SPNS2: variants seen among roughly 807,000 people sequenced by gnomAD.
SPNS2 encodes the protein SPNS lysolipid transporter 2, sphingosine-1-phosphate.
SPNS2 carries 37 observed loss-of-function variants against 57.6 expected under a neutral mutation model. That is an observed-to-expected ratio of 0.64 (90% CI 0.49 to 0.85). SPNS2 has a LOEUF of 0.85. Ranked by LOEUF, SPNS2 falls within the 40% of genes least tolerant of loss-of-function variation. SPNS2 has a pLI of 0.00. For synonymous variants in SPNS2, 440 were observed against 346.9 expected (o/e 1.27, Z -2.98); for missense variants, 831 against 779.1 (o/e 1.07, Z -0.79).
intron 2 of SPNS2, among the ~76,000 whole-genome samples, chr17:4,514,602 G>A (rs1006644829): frequency 7.9e-5 from 12 of 152,156 alleles, no homozygotes; most frequent in Non-Finnish European, 1.8e-4. Flanking sequence ...AGGGCCGTGC[G>A]GTCCAGTATC....
At chr17:4,536,461 C>T (rs774438756) in intron 11 of SPNS2, 35 bp downstream of exon 11, 2 of 1,576,610 alleles carry the variant, frequency 1.3e-6, no homozygotes, top group East Asian at 2.2e-5. Context: ...TGCTGCACCG[C>T]CGGGAAGCAG....
chr17:4,533,466 G>GCTGGGC, intron 8 of SPNS2, 34 bp downstream of exon 8: 1 of 1,559,510 alleles, frequency 6.4e-7, no homozygotes, highest in Non-Finnish European at 8.7e-7. Context: ...TGCTGGGGGA[G>GCTGGGC]CTGGGCCTGG....
chr17:4,501,081 G>T (rs1904491563), intron 1 of SPNS2, among the ~76,000 whole-genome samples: 1 of 152,214 alleles, frequency 6.6e-6, no homozygotes, highest in African/African-American at 2.4e-5. Context: ...TCTGTACACA[G>T]ATAGGGGGAC....
chr17:4,537,388 A>AGGG (rs1905908294), intron 12 of SPNS2, 65 bp from the exon 13 acceptor site: 1 of 397,902 alleles, frequency 2.5e-6, no homozygotes. Flanking sequence ...AAAGGGAAGG[A>AGGG]GGGAGGGCAG....
Position 4,498,949 on chromosome 17 carries a change from G to C in SPNS2, c.-99G>C, listed in dbSNP as rs1904356455. The C allele has an allele frequency of 5.3e-6, 4 of 753,912 alleles. No homozygotes were observed. In the South Asian group the frequency reaches 2.4e-4, roughly 45 times the overall value. The allele number at this position is 753,912 out of a possible 1,614,324, so 46.7% of individuals were successfully genotyped here. Reference sequence around the variant, plus strand: ...GCAGGAGCCGACGGGGCCCGACCAGGATGGTGCAGTGGCGGCTCCGCGGCG... The same window carrying C: ...GCAGGAGCCGACGGGGCCCGACCAGCATGGTGCAGTGGCGGCTCCGCGGCG... On this transcript the variant is annotated 5_prime_UTR_variant, in exon 1 of 13. Coordinates refer to ENST00000329078, the MANE Select transcript of SPNS2 (RefSeq NM_001124758.3).
chr17:4,516,641 G>A (rs912190389), intron 2 of SPNS2, among the ~76,000 whole-genome samples: 1 of 152,246 alleles, frequency 6.6e-6, no homozygotes, highest in African/African-American at 2.4e-5. Context: ...GTTTGAATGG[G>A]GCTTTGAAGG....
intron 4 of SPNS2, 40 bp from the exon 5 acceptor site, chr17:4,531,013 C>G (rs764054559): frequency 1.2e-6 from 2 of 1,610,232 alleles, no homozygotes; most frequent in Non-Finnish European, 1.7e-6. Flanking sequence ...GTCCCCAGCC[C>G]CTGTCTCTGC....
chr17:4,506,707 G>A (rs1904688409), intron 1 of SPNS2, among the ~76,000 whole-genome samples: 1 of 152,112 alleles, frequency 6.6e-6, no homozygotes, highest in African/African-American at 2.4e-5. Context: ...GGTGGGGAGG[G>A]GTGTTTCTCT....
chr17:4,523,738 G>T (rs1211013467), intron 2 of SPNS2, among the ~76,000 whole-genome samples: 1 of 152,274 alleles, frequency 6.6e-6, no homozygotes, highest in Non-Finnish European at 1.5e-5. Context: ...TGAGACTGTT[G>T]TCTCAAAAAA....
rs548246062 is a variant in SPNS2, at chr17:4,499,232, G to T, written c.185G>T (p.Gly62Val). 3.2e-4 allele frequency: 469 copies of T among 1,456,588 alleles called. 2 individuals are homozygous for T. The African/African-American group carries it at 6.2e-3, about 19-fold the overall frequency. The allele number at this position is 1,456,588 out of a possible 1,614,324, so 90.2% of individuals were successfully genotyped here. ...GGCGATGAGGTGCAGACGCTGTCGG[G>T]CAGCGTAAGGCGGGCCCCGACCGGA... is the stretch of plus-strand genomic sequence containing the variant. ...AAGDEVQTLSGSVRRAPTGPP... is the reference protein window; with the variant it reads ...AAGDEVQTLSVSVRRAPTGPP... Residue 62 changes from glycine to valine, a missense_variant, in exon 1 of 13, where the codon GGC becomes GTC. Physicochemically the swap from Gly to Val is moderately radical, Grantham distance 109 (BLOSUM62 -3). Around this residue, in one of 2 missense-constraint regions of SPNS2, gnomAD observed 305 missense variants for 378.3 expected, o/e 0.81. Transcript: ENST00000329078. The surrounding 1 kb of genome is among the most constrained non-coding windows in gnomAD (Gnocchi z 5.2).
At chr17:4,521,118 G>A (rs993180121) in intron 2 of SPNS2, among the ~76,000 whole-genome samples, 25 of 152,184 alleles carry the variant, frequency 1.6e-4, no homozygotes, top group African/African-American at 5.3e-4. Flanking sequence ...AGGATCTGGA[G>A]CTCCTTGGTG....
At chr17:4,505,039 G>T (rs1480417168) in intron 1 of SPNS2, among the ~76,000 whole-genome samples, 1 of 152,190 alleles carries the variant, frequency 6.6e-6, no homozygotes, top group Admixed American at 6.5e-5. Flanking sequence ...TCCCTGGTGG[G>T]TCTCAGCGGT....
chr17:4,538,694 C>T lies in SPNS2; in HGVS notation c.*1246C>T. On this transcript the variant is annotated 3_prime_UTR_variant, in exon 13 of 13. Transcript: ENST00000329078. ...CCCCCAAGAGCCAGCTTGGACAATGCTCTTCTTGCCCCTTAGTTACTGGCT... is the reference window on the plus strand; with the variant it reads ...CCCCCAAGAGCCAGCTTGGACAATGTTCTTCTTGCCCCTTAGTTACTGGCT... 3.4e-6 allele frequency: 2 copies of T among 589,910 alleles called. No homozygotes were observed. Among genetic ancestry groups the T allele is most frequent in the East Asian group, 5.8e-5 (2 of 34,194 alleles). The allele number at this position is 589,910 out of a possible 1,614,324, so 36.5% of individuals were successfully genotyped here.
intron 4 of SPNS2, 86 bp from the exon 5 acceptor site, chr17:4,530,967 T>C (rs1479579006): frequency 1.3e-6 from 2 of 1,518,198 alleles, no homozygotes; most frequent in Non-Finnish European, 1.8e-6. Flanking sequence ...GTGGGGAGGG[T>C]GGGCAGCCTG....
intron 9 of SPNS2, among the ~76,000 whole-genome samples, chr17:4,535,596 A>C (rs936528030): frequency 2.0e-5 from 3 of 151,658 alleles, no homozygotes; most frequent in Admixed American, 1.3e-4. Flanking sequence ...TGGCTCGGGT[A>C]CTCCGAGGCT....
At chr17:4,501,138 G>C (rs1469045866) in intron 1 of SPNS2, among the ~76,000 whole-genome samples, 1 of 152,202 alleles carries the variant, frequency 6.6e-6, no homozygotes. Context: ...GAAAGTGACT[G>C]GCAAAGCTGG....
chr17:4,537,767 C>CT lies in SPNS2; in HGVS notation c.*321dup. 1 of 456,278 alleles carries CT rather than the reference C, an allele frequency of 2.2e-6. No individual in the cohort carries two copies. Among genetic ancestry groups the CT allele is most frequent in the South Asian group, 1.5e-5 (1 of 64,566 alleles). The allele number at this position is 456,278 out of a possible 1,614,324, so 28.3% of individuals were successfully genotyped here. On this transcript the variant is annotated 3_prime_UTR_variant, in exon 13 of 13. Transcript: ENST00000329078. ...CGGGGAGAGCCTGGCCTGCCACCAG[C>CT]TTATGTGATCTTGGGCAAGTCCCTG... is the stretch of plus-strand genomic sequence containing the variant.
In SPNS2 at chr17:4,498,903, C is replaced by T. The variant is rs1470643010; in HGVS notation, c.-145C>T. ...GGCGCAGCGAGCTGAGCGGTGGCAG[C>T]GCCGCAGCCGGGGCCGGAGCGCAGG... On this transcript the variant is annotated 5_prime_UTR_variant, in exon 1 of 13. Transcript: ENST00000329078. The T allele has an allele frequency of 2.5e-5, 8 of 319,650 alleles. 1 individual carries two copies. Among genetic ancestry groups the T allele is most frequent in the East Asian group, 1.7e-4 (1 of 5,968 alleles). 19.8% of individuals were successfully genotyped at this position (319,650 alleles called of 1,614,324 possible).
chr17:4,534,468 CAGGGTCAGG>C (rs1905667872), intron 9 of SPNS2: 1 of 158,484 alleles, frequency 6.3e-6, no homozygotes, highest in African/African-American at 2.4e-5. Context: ...TCAGCCTGGC[CAGGGTCAGG>C]AGGGGACAGG....
Sources: allele counts gnomAD v4.1 joint callset (sites outside exome capture counted in the v4.1 genomes callset), GRCh38; gene constraint gnomAD v4.1.1; regional missense constraint gnomAD v4.1.1; non-coding constraint Gnocchi (gnomAD v3.1); transcripts MANE v1.5; gene names NCBI Gene and HGNC (gene_info 2026-07-23, HGNC 2026-07-21).